The following PCDH15 variants were observed in gnomAD, a reference collection of about 807,000 sequenced individuals.
PCDH15 encodes protocadherin related 15, also known as protocadherin-15.
PCDH15 carries 129 observed loss-of-function variants against 178.5 expected under a neutral mutation model. The ratio of observed to expected loss-of-function variants is 0.72; its 90% CI spans 0.63 to 0.84. PCDH15 has a LOEUF of 0.84. PCDH15 is among the 40% of genes least tolerant of loss of function. The pLI, the probability that PCDH15 is intolerant of heterozygous loss-of-function variation, is 0.00. For synonymous variants in PCDH15, 800 were observed against 732.0 expected, an observed-to-expected ratio of 1.09 and a Z score of -1.50; for missense variants, 2,230 against 2,099.9, an observed-to-expected ratio of 1.06 and a Z score of -1.21.
chr10:54,853,645 T>C (rs1435189938), intron 3 of PCDH15, among the ~76,000 whole-genome samples: 1 of 109,152 alleles, frequency 9.2e-6, no homozygotes, highest in East Asian at 3.1e-4. Context: ...AAAAAAAGAT[T>C]TTTTTTTCAC....
chr10:55,573,315 C>A (rs909241060), intron 2 of PCDH15, among the ~76,000 whole-genome samples: 1 of 152,080 alleles, frequency 6.6e-6, no homozygotes, highest in Non-Finnish European at 1.5e-5. Flanking sequence ...GATGGACCAT[C>A]TAACAGTTCT....
intron 3 of PCDH15, among the ~76,000 whole-genome samples, chr10:54,475,800 T>G (rs1398417967): frequency 1.3e-5 from 2 of 151,398 alleles, no homozygotes; most frequent in African/African-American, 4.8e-5. Context: ...GCCATATGAA[T>G]TATTTCAAAA....
chr10:54,470,679 G>C (rs542853605), intron 3 of PCDH15, among the ~76,000 whole-genome samples: 4 of 152,088 alleles, frequency 2.6e-5, no homozygotes, highest in Non-Finnish European at 5.9e-5. Context: ...GACCACTGGG[G>C]AGCATTTGCT....
At chr10:54,487,001 T>G (rs2079158005) in intron 3 of PCDH15, among the ~76,000 whole-genome samples, 1 of 152,058 alleles carries the variant, frequency 6.6e-6, no homozygotes, top group Non-Finnish European at 1.5e-5. Context: ...TTCATATATC[T>G]AGACTTCTTT....
intron 2 of PCDH15, among the ~76,000 whole-genome samples, chr10:54,629,033 G>A (rs983131715): frequency 6.6e-6 from 1 of 152,104 alleles, no homozygotes; most frequent in African/African-American, 2.4e-5. Context: ...GAAAGCTTAT[G>A]ACAAAATTAT....
chr10:54,045,251 G>A (rs1000497314), intron 18 of PCDH15, among the ~76,000 whole-genome samples: 5 of 152,146 alleles, frequency 3.3e-5, no homozygotes, highest in Admixed American at 2.6e-4. Context: ...GCATACTTTC[G>A]TCCTTGCAAA....
intron 25 of PCDH15, among the ~76,000 whole-genome samples, chr10:53,917,373 C>T (rs1350191562): frequency 6.6e-6 from 1 of 151,958 alleles, no homozygotes; most frequent in Admixed American, 6.6e-5. Context: ...AATTCTTTGA[C>T]ATATAATTAA....
chr10:55,591,229 T>C (rs1342627083), intron 2 of PCDH15, among the ~76,000 whole-genome samples: 1 of 152,078 alleles, frequency 6.6e-6, no homozygotes, highest in Non-Finnish European at 1.5e-5. Flanking sequence ...GTCCAGAAGT[T>C]TGAGAACAGC....
chr10:54,814,689 C>T (rs1591716774), intron 3 of PCDH15, among the ~76,000 whole-genome samples: 1 of 152,098 alleles, frequency 6.6e-6, no homozygotes, highest in Non-Finnish European at 1.5e-5. Flanking sequence ...GATTACAGTT[C>T]CCCATTAACA....
intron 9 of PCDH15, among the ~76,000 whole-genome samples, chr10:54,228,478 G>A (rs1241532362): frequency 6.6e-6 from 1 of 152,096 alleles, no homozygotes; most frequent in Non-Finnish European, 1.5e-5. Flanking sequence ...AATGAGATTT[G>A]GGTGGTGACA....
intron 2 of PCDH15, among the ~76,000 whole-genome samples, chr10:55,452,312 G>A (rs1589040369): frequency 1.3e-5 from 2 of 152,070 alleles, no homozygotes; most frequent in Non-Finnish European, 2.9e-5. Flanking sequence ...TGGCCTGCAC[G>A]TTACCTTGAC....
chr10:54,529,883 T>C (rs1196626237), intron 2 of PCDH15, among the ~76,000 whole-genome samples: 2 of 151,970 alleles, frequency 1.3e-5, no homozygotes, highest in Non-Finnish European at 2.9e-5. Flanking sequence ...TATTGTAAGG[T>C]ATGCACTCTC....
intron 1 of PCDH15, among the ~76,000 whole-genome samples, chr10:55,292,984 A>G: frequency 6.6e-6 from 1 of 152,276 alleles, no homozygotes; most frequent in East Asian, 1.9e-4. Context: ...CTCCGACTCC[A>G]TATTTCCCTT....
chr10:54,965,558 A>G (rs988349808), intron 2 of PCDH15, among the ~76,000 whole-genome samples: 4 of 151,416 alleles, frequency 2.6e-5, no homozygotes, highest in Non-Finnish European at 2.9e-5. Context: ...TCTTCATAAC[A>G]GTATGAAAAT....
At chr10:54,817,691 G>C (rs1279776034) in intron 3 of PCDH15, among the ~76,000 whole-genome samples, 1 of 151,874 alleles carries the variant, frequency 6.6e-6, no homozygotes, top group Admixed American at 6.6e-5. Flanking sequence ...TATTTTGGGG[G>C]TTACTATGAG....
chr10:54,941,174 AT>A (rs1391636452), intron 2 of PCDH15, among the ~76,000 whole-genome samples: 1 of 151,910 alleles, frequency 6.6e-6, no homozygotes, highest in Non-Finnish European at 1.5e-5. Flanking sequence ...ACTTTTTAAA[AT>A]TTTCTTAATG....
intron 2 of PCDH15, among the ~76,000 whole-genome samples, chr10:54,588,111 C>A (rs777541359): frequency 1.8e-4 from 27 of 152,042 alleles, no homozygotes; most frequent in African/African-American, 4.3e-4. Flanking sequence ...CCATGTAAAG[C>A]GAGAAGTGTG....
intron 2 of PCDH15, among the ~76,000 whole-genome samples, chr10:54,930,134 C>T (rs937080856): frequency 2.0e-5 from 3 of 152,124 alleles, no homozygotes; most frequent in Non-Finnish European, 2.9e-5. Flanking sequence ...TTTCCTTTTC[C>T]TTGCCAACCA....
chr10:54,955,160 T>A (rs1291393530), intron 2 of PCDH15, among the ~76,000 whole-genome samples: 1 of 151,308 alleles, frequency 6.6e-6, no homozygotes, highest in African/African-American at 2.4e-5. Context: ...TATAGCTGTT[T>A]TCCTTGACTA....
Sources: allele counts gnomAD v4.1 joint callset (sites outside exome capture counted in the v4.1 genomes callset), GRCh38; gene constraint gnomAD v4.1.1; transcripts MANE v1.5; gene names NCBI Gene and HGNC (gene_info 2026-07-23, HGNC 2026-07-21).